The following ADK variants were observed in gnomAD, a reference collection of about 807,000 sequenced individuals.
ADK encodes the protein N6,N6-dimethyladenosine kinase.
ADK carries 24 observed loss-of-function variants against 44.7 expected under a neutral mutation model. The observed-to-expected ratio is 0.54, with a 90% CI of 0.39 to 0.76. The LOEUF is 0.76. Among genes scored for constraint, ADK ranks in the 30% least tolerant of loss-of-function variants. The probability of loss-of-function intolerance (pLI) is 0.00; values close to 1 mark genes in which losing one functional copy is unlikely to be tolerated. For synonymous variants in ADK, 128 were observed against 142.6 expected (o/e 0.90, Z 0.73); for missense variants, 321 against 425.1 (o/e 0.76, Z 2.15).
At chr10:74,589,539 T>C (rs1851646496) in intron 8 of ADK, among the ~76,000 whole-genome samples, 1 of 152,098 alleles carries the variant, frequency 6.6e-6, no homozygotes, top group Non-Finnish European at 1.5e-5. Context: ...ATGTTATTTA[T>C]TGAATTTTGA....
chr10:74,419,037 G>A (rs1016067390), intron 6 of ADK, among the ~76,000 whole-genome samples: 3 of 152,102 alleles, frequency 2.0e-5, no homozygotes, highest in African/African-American at 7.2e-5. Context: ...ATAGTTTAAT[G>A]TTTGGCACCT....
intron 6 of ADK, among the ~76,000 whole-genome samples, chr10:74,429,246 A>G (rs1255922787): frequency 6.6e-6 from 1 of 152,226 alleles, no homozygotes; most frequent in African/African-American, 2.4e-5. Flanking sequence ...TATTCAAACT[A>G]TTCAGTCAGG....
chr10:74,681,743 G>A (rs921777898), intron 10 of ADK, among the ~76,000 whole-genome samples: 1 of 151,642 alleles, frequency 6.6e-6, no homozygotes, highest in African/African-American at 2.4e-5. Flanking sequence ...CCAGCTACTT[G>A]AGAGGCTGAG....
intron 6 of ADK, chr10:74,506,245 G>A (rs1465932892): frequency 5.2e-5 from 9 of 172,392 alleles, no homozygotes; most frequent in African/African-American, 2.2e-4. Context: ...GCTCCACAAA[G>A]TCCTCCCCCA....
chr10:74,343,728 C>G (rs545948327), intron 4 of ADK, among the ~76,000 whole-genome samples: 3 of 152,294 alleles, frequency 2.0e-5, no homozygotes, highest in African/African-American at 7.2e-5. Flanking sequence ...CCTGCCTCAG[C>G]CTCCTGAGTA....
At chr10:74,383,695 G>A (rs867834760) in intron 4 of ADK, among the ~76,000 whole-genome samples, 24 of 152,132 alleles carry the variant, frequency 1.6e-4, no homozygotes, top group African/African-American at 5.6e-4. Context: ...ATGAAGAGTG[G>A]AAGGGAAAGG....
intron 4 of ADK, among the ~76,000 whole-genome samples, chr10:74,388,958 C>T (rs1386212370): frequency 6.6e-6 from 1 of 152,194 alleles, no homozygotes; most frequent in African/African-American, 2.4e-5. Context: ...TTCTCCCTCT[C>T]CATGGTGTGG....
At chr10:74,321,834 AT>A (rs1187505769) in intron 4 of ADK, among the ~76,000 whole-genome samples, 8 of 152,190 alleles carry the variant, frequency 5.3e-5, no homozygotes, top group African/African-American at 7.2e-5. Flanking sequence ...TCATAATTGT[AT>A]TTTAAAGCTT....
At chr10:74,452,993 A>G (rs1417927412) in intron 6 of ADK, among the ~76,000 whole-genome samples, 2 of 152,024 alleles carry the variant, frequency 1.3e-5, no homozygotes, top group South Asian at 2.1e-4. Flanking sequence ...CAAATGTACT[A>G]ATTTTTAAAT....
chr10:74,413,419 A>T (rs1320197660), intron 6 of ADK, among the ~76,000 whole-genome samples: 1 of 152,228 alleles, frequency 6.6e-6, no homozygotes, highest in Non-Finnish European at 1.5e-5. Context: ...ACTCTTCAGC[A>T]CCTGCTATTT....
At chr10:74,245,872 G>A (rs775460813) in intron 3 of ADK, among the ~76,000 whole-genome samples, 8 of 152,100 alleles carry the variant, frequency 5.3e-5, no homozygotes, top group Non-Finnish European at 8.8e-5. Context: ...ACAGGCATAA[G>A]CTACTGCACC....
chr10:74,412,484 G>T (rs1844218441), intron 6 of ADK, among the ~76,000 whole-genome samples: 2 of 152,108 alleles, frequency 1.3e-5, no homozygotes, highest in African/African-American at 4.8e-5. Flanking sequence ...ATTATTTTCA[G>T]GAGGTTTTCA....
At chr10:74,558,363 C>T (rs1228853829) in intron 7 of ADK, among the ~76,000 whole-genome samples, 1 of 152,136 alleles carries the variant, frequency 6.6e-6, no homozygotes, top group African/African-American at 2.4e-5. Flanking sequence ...GTGCCCAGCT[C>T]ATCATTTTCT....
intron 4 of ADK, chr10:74,371,962 C>G (rs1842674034): frequency 2.1e-6 from 2 of 942,202 alleles, no homozygotes; most frequent in African/African-American, 3.2e-5. Flanking sequence ...GTTAACCTAT[C>G]TACCGTTGCT....
At chr10:74,258,571 A>G (rs985280356) in intron 3 of ADK, among the ~76,000 whole-genome samples, 1 of 152,174 alleles carries the variant, frequency 6.6e-6, no homozygotes, top group African/African-American at 2.4e-5. Context: ...AGGATACGGT[A>G]CATCATTAAT....
At chr10:74,619,148 A>G (rs148545934) in intron 9 of ADK, among the ~76,000 whole-genome samples, 23 of 151,542 alleles carry the variant, frequency 1.5e-4, no homozygotes, top group South Asian at 2.1e-4. Context: ...GCTTTGTCCC[A>G]TCTGCATTTC....
rs1185036462 is a variant in ADK at position 74,303,588 on chromosome 10, G to GTTTTTTTTTTTTTTTTT, written c.195-11069_195-11053dup. 1.2e-3 allele frequency among the ~76,000 whole-genome samples: 83 copies of GTTTTTTTTTTTTTTTTT among 68,574 alleles called. 12 individuals are homozygous for GTTTTTTTTTTTTTTTTT. Among genetic ancestry groups the GTTTTTTTTTTTTTTTTT allele is most frequent in the African/African-American group, 3.9e-3 (50 of 12,698 alleles). The allele number at this position is 68,574 out of a possible 152,430, so 45.0% of individuals were successfully genotyped here. ...CACTTTTCATATTGGTTTTAATGTTGTTTTTTTTTTTTTTTTTTTTTTTTT... is the reference window on the plus strand; with the variant it reads ...CACTTTTCATATTGGTTTTAATGTTGTTTTTTTTTTTTTTTTTTTTTTTTTTTTTTTTTTTTTTTTTT... On this transcript the variant is annotated intron_variant, in intron 3 of 10. Transcript: ENST00000539909.
intron 7 of ADK, among the ~76,000 whole-genome samples, chr10:74,574,836 A>C (rs763254276): frequency 1.3e-5 from 2 of 152,126 alleles, no homozygotes; most frequent in Non-Finnish European, 2.9e-5. Flanking sequence ...TGAGTAGAAA[A>C]ATTTTTTACC....
chr10:74,693,431 A>G (rs565453135), intron 10 of ADK, among the ~76,000 whole-genome samples: 2 of 152,296 alleles, frequency 1.3e-5, no homozygotes, highest in East Asian at 3.9e-4. Context: ...AGTGTCATCA[A>G]TTTCACTGCC....
Sources: gnomAD v4.1 joint callset for allele counts (sites outside exome capture counted in the v4.1 genomes callset) on GRCh38, gnomAD v4.1.1 for gene constraint, MANE v1.5 for transcripts, NCBI Gene and HGNC (gene_info 2026-07-23, HGNC 2026-07-21) for gene names.